The following ATP8A2 variants were observed in gnomAD, a reference collection of about 807,000 sequenced individuals.
The protein encoded by ATP8A2 is phospholipid-transporting ATPase IB.
Under a neutral mutation model 165.6 loss-of-function variants are expected in ATP8A2, and 100 were observed. The observed-to-expected ratio is 0.60, with a 90% CI of 0.51 to 0.71. ATP8A2 has a LOEUF of 0.71. Among genes scored for constraint, ATP8A2 ranks in the 30% least tolerant of loss-of-function variants. The pLI, the probability that ATP8A2 is intolerant of heterozygous loss-of-function variation, is 0.00. For synonymous variants in ATP8A2, 543 were observed against 548.8 expected (o/e 0.99, Z 0.15); for missense variants, 1,227 against 1,479.5 (o/e 0.83, Z 2.80).
chr13:25,746,306 G>T (rs1263506431), intron 25 of ATP8A2, among the ~76,000 whole-genome samples: 2 of 152,192 alleles, frequency 1.3e-5, no homozygotes, highest in Non-Finnish European at 2.9e-5. Context: ...GTAGGAATTT[G>T]CACACTGACA....
intron 27 of ATP8A2, among the ~76,000 whole-genome samples, chr13:25,825,460 C>G (rs2224689): frequency 6.6e-6 from 1 of 151,864 alleles, no homozygotes; most frequent in Non-Finnish European, 1.5e-5. Context: ...TGCCCAGGCT[C>G]TTTTCTATTT....
chr13:25,642,648 C>G (rs1351777801), intron 24 of ATP8A2, among the ~76,000 whole-genome samples: 1 of 152,162 alleles, frequency 6.6e-6, no homozygotes, highest in Admixed American at 6.5e-5. Context: ...GTTGTTGTTA[C>G]TGTAAACTAG....
chr13:25,879,398 G>GA (rs1028903758), intron 33 of ATP8A2, among the ~76,000 whole-genome samples: 1 of 151,746 alleles, frequency 6.6e-6, no homozygotes, highest in Non-Finnish European at 1.5e-5. Flanking sequence ...TACAATGAAG[G>GA]AAAAAAATGG....
At chr13:25,459,333 G>A (rs1040030442) in intron 1 of ATP8A2, among the ~76,000 whole-genome samples, 1 of 152,244 alleles carries the variant, frequency 6.6e-6, no homozygotes, top group African/African-American at 2.4e-5. Context: ...ATTAGTTGCA[G>A]ACTAAATTTA....
rs1009207351 is a variant in ATP8A2 at position 25,953,097 on chromosome 13, C to T, written c.3184-8478C>T. Among the ~76,000 whole-genome samples, 3 of 152,196 alleles carry T rather than the reference C, an allele frequency of 2.0e-5. No individual in the cohort carries two copies. The highest frequency in any genetic ancestry group is 4.4e-5 in the Non-Finnish European group (3 of 68,030). On this transcript the variant is annotated intron_variant, in intron 33 of 36. Transcript: ENST00000381655. This position sits in a 1 kb window ranked among gnomAD's most constrained non-coding sequence, Gnocchi z 6.7. ...GTTCTTCCAAATCCGATTGTCCTGA[C>T]AGGTTTTGTTTTATTTTGTTGTTGT... is the stretch of plus-strand genomic sequence containing the variant.
intron 1 of ATP8A2, among the ~76,000 whole-genome samples, chr13:25,435,952 AGT>A (rs1448353061): frequency 0.037 from 1,494 of 40,614 alleles, 23 homozygotes; most frequent in African/African-American, 0.072. Flanking sequence ...TGTGTGTGTG[AGT>A]GTGTGTGTGT....
intron 24 of ATP8A2, chr13:25,591,133 ATG>A (rs59431385): frequency 0.063 from 18,578 of 293,080 alleles, 268 homozygotes; most frequent in East Asian, 0.088. Flanking sequence ...TGGAAATACT[ATG>A]TGTGTGTGTG....
At chr13:25,948,259 A>G (rs1246615235) in intron 33 of ATP8A2, among the ~76,000 whole-genome samples, 1 of 151,924 alleles carries the variant, frequency 6.6e-6, no homozygotes, top group Non-Finnish European at 1.5e-5. Flanking sequence ...TCATTCAGGA[A>G]TCATCACACA....
intron 33 of ATP8A2, among the ~76,000 whole-genome samples, chr13:25,910,044 G>A (rs138958845): frequency 1.3e-5 from 2 of 152,266 alleles, no homozygotes; most frequent in African/African-American, 4.8e-5. Context: ...CATCTGCTGC[G>A]GGATGGTGGT....
At chr13:25,525,575 T>A (rs553035204) in intron 2 of ATP8A2, among the ~76,000 whole-genome samples, 1 of 152,308 alleles carries the variant, frequency 6.6e-6, no homozygotes, top group South Asian at 2.1e-4. Context: ...CTTTGCTGGA[T>A]ACAGTATTCT....
At chr13:25,823,095 A>G (rs1481061286) in intron 27 of ATP8A2, among the ~76,000 whole-genome samples, 1 of 152,224 alleles carries the variant, frequency 6.6e-6, no homozygotes, top group Non-Finnish European at 1.5e-5. Context: ...ACAGAAGGCC[A>G]CTGTAGCTGA....
At chr13:26,016,140 C>G (rs1417537273) in intron 36 of ATP8A2, among the ~76,000 whole-genome samples, 4 of 152,202 alleles carry the variant, frequency 2.6e-5, no homozygotes, top group Non-Finnish European at 5.9e-5. Context: ...ACCTATCAGG[C>G]CATTCTCCTT....
At chr13:25,707,521 A>G (rs994917910) in intron 25 of ATP8A2, among the ~76,000 whole-genome samples, 1 of 152,244 alleles carries the variant, frequency 6.6e-6, no homozygotes, top group East Asian at 1.9e-4. Flanking sequence ...GCAATATAGT[A>G]CATGTGATAA....
At chr13:25,805,995 C>T (rs1404815734) in intron 27 of ATP8A2, among the ~76,000 whole-genome samples, 4 of 152,102 alleles carry the variant, frequency 2.6e-5, no homozygotes, top group African/African-American at 9.7e-5. Context: ...CTCTGAAGGG[C>T]AGGTCATAAG....
chr13:25,828,185 A>G lies in ATP8A2; in HGVS notation c.2747A>G (p.Tyr916Cys), dbSNP rs776010325. ...ILFERWCIGL[Y>C]NVIFTALPPF... is the part of the protein sequence containing the mutation. ...TTTGAACGTTGGTGCATCGGCCTGT[A>G]CAATGTGGTAAGCATTCTTCATCTC... Residue 916 changes from tyrosine to cysteine, a missense_variant, in exon 28 of 37, where the codon TAC becomes TGC. Physicochemically the swap from Tyr to Cys is radical, Grantham distance 194. Transcript: ENST00000381655. The G allele has an allele frequency of 1.2e-6, 2 of 1,613,546 alleles. No homozygotes were observed. Among genetic ancestry groups the G allele is most frequent in the South Asian group, 2.2e-5 (2 of 91,062 alleles).
intron 25 of ATP8A2, among the ~76,000 whole-genome samples, chr13:25,724,343 A>G (rs189866070): frequency 4.3e-4 from 65 of 152,304 alleles, no homozygotes; most frequent in African/African-American, 1.5e-3. Context: ...GTCACTAACA[A>G]GCGGTAGAAA....
intron 33 of ATP8A2, among the ~76,000 whole-genome samples, chr13:25,931,817 C>T (rs1954775377): frequency 2.0e-5 from 3 of 151,970 alleles, no homozygotes; most frequent in South Asian, 2.1e-4. Flanking sequence ...GAGGCCGAGG[C>T]GGGCGTTTCA....
At chr13:25,480,304 C>T (rs1396977895) in intron 2 of ATP8A2, among the ~76,000 whole-genome samples, 2 of 151,010 alleles carry the variant, frequency 1.3e-5, no homozygotes, top group African/African-American at 2.4e-5. Flanking sequence ...GGCTGACCCC[C>T]ACCTCCCTCC....
chr13:25,534,284 A>G (rs562994440), intron 6 of ATP8A2: 4 of 506,178 alleles, frequency 7.9e-6, no homozygotes, highest in Admixed American at 2.1e-5. Context: ...ACATTCATCA[A>G]CCTCACGTTT....
Sources: allele counts gnomAD v4.1 joint callset (sites outside exome capture counted in the v4.1 genomes callset), GRCh38; gene constraint gnomAD v4.1.1; non-coding constraint Gnocchi (gnomAD v3.1); transcripts MANE v1.5; gene names NCBI Gene and HGNC (gene_info 2026-07-23, HGNC 2026-07-21).